Variants in DYNLRB1 observed in about 807,000 individuals in gnomAD.
The protein encoded by DYNLRB1 is ROBL/LC7-like 1.
A neutral mutation model predicts 13.5 loss-of-function variants in DYNLRB1; 6 were observed. That is an observed-to-expected ratio of 0.44 (90% CI 0.24 to 0.88). The LOEUF (loss-of-function observed/expected upper bound fraction) is 0.88, where lower values mean the gene tolerates loss of function less well. Ranked by LOEUF, DYNLRB1 falls within the 40% of genes least tolerant of loss-of-function variation. The pLI is 0.21. For synonymous variants in DYNLRB1, 43 were observed against 45.0 expected (o/e 0.96, Z 0.18); for missense variants, 93 against 127.2 (o/e 0.73, Z 1.29).
chr20:34,516,562 A>T, intron 1 of DYNLRB1, 101 bp downstream of exon 1: 2 of 1,568,966 alleles, frequency 1.3e-6, no homozygotes, highest in South Asian at 2.3e-5. Context: ...CCGGACAGGG[A>T]ATCGGTGGTG....
At position 34,516,898 on chromosome 20, in the gene DYNLRB1, A is replaced by G. The variant is rs1487343694; in HGVS notation, c.3+437A>G. 3 of 1,471,616 alleles carry G rather than the reference A, an allele frequency of 2.0e-6. No individual in the cohort carries two copies. The South Asian group carries it at 4.2e-5, about 21-fold the overall frequency. 91.2% of individuals were successfully genotyped at this position (1,471,616 alleles called of 1,614,324 possible). ...TGAGGTAGATACAATCTTTAGTCCC[A>G]TTTTGTTATACATATCTGTTATTCA... On this transcript the variant is annotated intron_variant, in intron 1 of 3. Transcript: ENST00000357156.
chr20:34,539,464 G>C (rs1250944351), intron 3 of DYNLRB1, among the ~76,000 whole-genome samples: 1 of 152,122 alleles, frequency 6.6e-6, no homozygotes, highest in Non-Finnish European at 1.5e-5. Flanking sequence ...AGGATCACTC[G>C]AGCCCAGGAG....
At chr20:34,535,375 T>C in intron 3 of DYNLRB1, 1 of 984,864 alleles carries the variant, frequency 1.0e-6, no homozygotes, top group East Asian at 1.1e-4. Context: ...GATTGCTTTG[T>C]TTCCTTTACG....
intron 2 of DYNLRB1, among the ~76,000 whole-genome samples, chr20:34,532,188 G>T (rs1327113079): frequency 1.3e-5 from 2 of 152,256 alleles, no homozygotes; most frequent in Admixed American, 1.3e-4. Flanking sequence ...TTTACTGTGT[G>T]AGTGGTGTTT....
intron 2 of DYNLRB1, chr20:34,529,858 G>A: frequency 6.6e-7 from 1 of 1,522,510 alleles, no homozygotes; most frequent in South Asian, 1.2e-5. Context: ...ACAGGAGGCT[G>A]GGAGCCCTTG....
At chr20:34,520,429 G>C (rs1394497133) in intron 1 of DYNLRB1, among the ~76,000 whole-genome samples, 1 of 152,004 alleles carries the variant, frequency 6.6e-6, no homozygotes, top group African/African-American at 2.4e-5. Flanking sequence ...GTGTACATTT[G>C]GGTTGCTCCC....
intron 1 of DYNLRB1, among the ~76,000 whole-genome samples, chr20:34,525,407 A>G (rs1257507700): frequency 1.3e-5 from 2 of 152,202 alleles, no homozygotes; most frequent in Non-Finnish European, 2.9e-5. Context: ...AAATGGACAT[A>G]GTACCTAATG....
intron 2 of DYNLRB1, among the ~76,000 whole-genome samples, chr20:34,532,612 A>G (rs1031506913): frequency 6.6e-6 from 1 of 152,196 alleles, no homozygotes; most frequent in East Asian, 1.9e-4. Context: ...TGCCATCCTC[A>G]GGAAGCTTCA....
chr20:34,536,744 C>CAAA (rs560286767), intron 3 of DYNLRB1, among the ~76,000 whole-genome samples: 1 of 55,900 alleles, frequency 1.8e-5, no homozygotes, highest in Admixed American at 2.0e-4. Context: ...GACTCTGTCT[C>CAAA]AAAAAAAAAA....
chr20:34,533,635 A>G (rs1980886519), intron 2 of DYNLRB1: 2 of 384,062 alleles, frequency 5.2e-6, no homozygotes, highest in South Asian at 2.1e-4. Context: ...CCTGGCCAGT[A>G]TGGTGAAACC....
intron 3 of DYNLRB1, 88 bp downstream of exon 3, chr20:34,534,883 C>T: frequency 6.3e-7 from 1 of 1,598,386 alleles, no homozygotes. Context: ...AGTGGTGTCT[C>T]CAGAGGATCC....
At chr20:34,533,128 C>T (rs531249417) in intron 2 of DYNLRB1, among the ~76,000 whole-genome samples, 1 of 152,350 alleles carries the variant, frequency 6.6e-6, no homozygotes, top group Non-Finnish European at 1.5e-5. Flanking sequence ...CCGCATGCCT[C>T]ACCTCTGTGA....
At chr20:34,516,288 A>G (rs749113615), upstream of DYNLRB1, 11 of 1,095,478 alleles carry the variant, frequency 1.0e-5, no homozygotes, top group South Asian at 1.7e-5. Flanking sequence ...AGTGGAAAGC[A>G]GATTTTCCAA....
In DYNLRB1 at chr20:34,540,947, C is replaced by G. The variant is rs569941186; in HGVS notation, c.*323C>G. ...GCTGTTTTTCTTTAACTAAAAATAA[C>G]CAAAATGCTTACCCGTCTGTTGTGT... On this transcript the variant is annotated 3_prime_UTR_variant, in exon 4 of 4. Coordinates refer to ENST00000357156, the MANE Select transcript of DYNLRB1 (RefSeq NM_014183.4). 1 of 321,342 alleles carries G rather than the reference C, an allele frequency of 3.1e-6. No homozygotes were observed. Among genetic ancestry groups the G allele is most frequent in the African/African-American group, 2.1e-5 (1 of 46,520 alleles). The allele number at this position is 321,342 out of a possible 1,614,324, so 19.9% of individuals were successfully genotyped here.
chr20:34,521,732 A>G (rs931259359), intron 1 of DYNLRB1, among the ~76,000 whole-genome samples: 1 of 152,108 alleles, frequency 6.6e-6, no homozygotes, highest in African/African-American at 2.4e-5. Context: ...CTTTCTCATC[A>G]TTTGATTCTT....
chr20:34,540,391 A>C (rs377317470), intron 3 of DYNLRB1, among the ~76,000 whole-genome samples, 190 bp from the exon 4 acceptor site: 17 of 152,226 alleles, frequency 1.1e-4, no homozygotes, highest in African/African-American at 3.6e-4. Context: ...CTCTTGCAGG[A>C]GCCCCTGCAG....
At chr20:34,519,406 A>C (rs1457145603) in intron 1 of DYNLRB1, among the ~76,000 whole-genome samples, 1 of 152,192 alleles carries the variant, frequency 6.6e-6, no homozygotes, top group Non-Finnish European at 1.5e-5. Flanking sequence ...TGTATATGTT[A>C]ACTTTACTTT....
At chr20:34,531,033 C>T (rs999569521) in intron 2 of DYNLRB1, 2 of 152,220 alleles carry the variant, frequency 1.3e-5, no homozygotes, top group African/African-American at 4.8e-5. Context: ...AGGGAAGTTT[C>T]ATTCCATTTA....
intron 1 of DYNLRB1, among the ~76,000 whole-genome samples, chr20:34,525,949 G>C (rs1980163615): frequency 6.6e-6 from 1 of 152,180 alleles, no homozygotes; most frequent in Non-Finnish European, 1.5e-5. Context: ...CCAAATATGT[G>C]AGTCATGGAC....
Sources: allele counts gnomAD v4.1 joint callset (sites outside exome capture counted in the v4.1 genomes callset), GRCh38; gene constraint gnomAD v4.1.1; transcripts MANE v1.5; gene names NCBI Gene and HGNC (gene_info 2026-07-23, HGNC 2026-07-21).